The following PPP1CB variants were observed in gnomAD, a reference collection of about 807,000 sequenced individuals.
PPP1CB encodes the protein protein phosphatase 1 catalytic subunit beta, also known as serine/threonine-protein phosphatase PP1-beta catalytic subunit.
In PPP1CB, 2 loss-of-function variants were observed where a neutral mutation model predicts 43.7. That is an observed-to-expected ratio of 0.05 (90% CI 0.02 to 0.14). The LOEUF (loss-of-function observed/expected upper bound fraction) is 0.14. Ranked by LOEUF, PPP1CB falls within the 10% of genes least tolerant of loss-of-function variation. PPP1CB has a pLI of 1.00. For synonymous variants in PPP1CB, 136 were observed against 135.6 expected (o/e 1.00, Z -0.02); for missense variants, 84 against 398.0 (o/e 0.21, Z 6.71).
At chr2:28,765,934 A>T (rs895422157) in intron 1 of PPP1CB, among the ~76,000 whole-genome samples, 3 of 152,132 alleles carry the variant, frequency 2.0e-5, no homozygotes, top group Non-Finnish European at 4.4e-5. Context: ...AAATAAAGCA[A>T]CTTGCTTTAA....
intron 1 of PPP1CB, among the ~76,000 whole-genome samples, chr2:28,775,489 C>T (rs1667018151): frequency 6.6e-6 from 1 of 152,058 alleles, no homozygotes; most frequent in Admixed American, 6.6e-5. Context: ...CTCACTGCAG[C>T]CTCAACCTCT....
rs1038798706 is a variant in PPP1CB at position 28,799,915 on chromosome 2, C to T, written c.*612C>T. 2.0e-5 allele frequency: 3 copies of T among 152,382 alleles called. No individual in the cohort carries two copies. Among genetic ancestry groups the T allele is most frequent in the African/African-American group, 7.2e-5 (3 of 41,398 alleles). The allele number at this position is 152,382 out of a possible 1,614,324, so 9.4% of individuals were successfully genotyped here. A position where few individuals can be genotyped will look rare whatever the true frequency, so the allele number is the denominator to read the frequency against. On this transcript the variant is annotated 3_prime_UTR_variant, in exon 8 of 8. Coordinates refer to ENST00000395366, the MANE Select transcript of PPP1CB (RefSeq NM_002709.3). Reference sequence around the variant, plus strand: ...TGATTGTTTTAAAAAAAAATACGCACATTGTCCAATCCAGTGATTTTAATC... The same window carrying T: ...TGATTGTTTTAAAAAAAAATACGCATATTGTCCAATCCAGTGATTTTAATC...
At chr2:28,772,007 T>C (rs1013645941) in intron 1 of PPP1CB, among the ~76,000 whole-genome samples, 7 of 151,092 alleles carry the variant, frequency 4.6e-5, no homozygotes, top group Non-Finnish European at 1.0e-4. Flanking sequence ...CTAAAGGGTC[T>C]ATTAGGCACA....
At chr2:28,773,387 C>A (rs1666955648) in intron 1 of PPP1CB, among the ~76,000 whole-genome samples, 1 of 152,138 alleles carries the variant, frequency 6.6e-6, no homozygotes, top group South Asian at 2.1e-4. Flanking sequence ...CTGCTTCTCA[C>A]TCCTATCAGT....
chr2:28,757,863 A>G (rs1003612120), intron 1 of PPP1CB, among the ~76,000 whole-genome samples: 2 of 152,006 alleles, frequency 1.3e-5, no homozygotes, highest in African/African-American at 2.4e-5. Flanking sequence ...TAAATCCAAG[A>G]TGAAGATTCG....
chr2:28,752,012 G>C lies in PPP1CB; in HGVS notation c.-113G>C. ...CCGGGAAAAGGGGGAGTTGGAGCCG[G>C]GGTCGAAACGCCGCGTGACTTGTAG... On this transcript the variant is annotated 5_prime_UTR_variant, in exon 1 of 8. Transcript: ENST00000395366. The C allele has an allele frequency of 2.0e-6, 2 of 1,016,728 alleles. No individual in the cohort carries two copies. The highest frequency in any genetic ancestry group is 3.0e-6 in the Non-Finnish European group (2 of 661,594). 63.0% of individuals were successfully genotyped at this position (1,016,728 alleles called of 1,614,324 possible).
At chr2:28,774,837 A>T (rs987525302) in intron 1 of PPP1CB, among the ~76,000 whole-genome samples, 16 of 152,216 alleles carry the variant, frequency 1.1e-4, no homozygotes, top group Admixed American at 3.3e-4. Flanking sequence ...TTGATGTTTG[A>T]GAACAAGCAC....
intron 2 of PPP1CB, 96 bp downstream of exon 2, chr2:28,777,078 T>A: frequency 7.5e-7 from 1 of 1,334,370 alleles, no homozygotes; most frequent in Non-Finnish European, 1.0e-6. Flanking sequence ...AATTTTTGTA[T>A]AAAACAGATC....
chr2:28,784,779 G>A (rs568521492), intron 5 of PPP1CB, among the ~76,000 whole-genome samples: 4 of 151,614 alleles, frequency 2.6e-5, no homozygotes, highest in Admixed American at 2.0e-4. Context: ...AATTAGCTGG[G>A]CATGGTGGTG....
intron 2 of PPP1CB, among the ~76,000 whole-genome samples, chr2:28,777,609 C>T (rs753966630): frequency 2.0e-4 from 31 of 152,132 alleles, no homozygotes; most frequent in Non-Finnish European, 2.1e-4. Flanking sequence ...CAGTGCCCAG[C>T]AAATAAGAGA....
intron 1 of PPP1CB, among the ~76,000 whole-genome samples, chr2:28,755,193 C>A (rs1170874846): frequency 1.3e-5 from 2 of 152,024 alleles, no homozygotes; most frequent in Non-Finnish European, 2.9e-5. Flanking sequence ...GGGACTACAG[C>A]ATGCCACCAC....
chr2:28,777,751 C>G (rs1667072146), intron 2 of PPP1CB, among the ~76,000 whole-genome samples: 1 of 152,206 alleles, frequency 6.6e-6, no homozygotes, highest in Non-Finnish European at 1.5e-5. Context: ...CTCCCGGGCT[C>G]AAGTGGTTCT....
chr2:28,774,274 G>T (rs6547875), intron 1 of PPP1CB, among the ~76,000 whole-genome samples: 79,072 of 151,940 alleles, frequency 0.52, 21,608 homozygotes, highest in South Asian at 0.61. Context: ...TTTTGATAAT[G>T]TACTGTTCTT....
chr2:28,798,377 G>A (rs1013511303), intron 7 of PPP1CB, among the ~76,000 whole-genome samples: 1 of 152,020 alleles, frequency 6.6e-6, no homozygotes. Context: ...ATGAAAACAT[G>A]TTCACACAAA....
chr2:28,782,577 G>A (rs1667177325), intron 4 of PPP1CB: 1 of 152,302 alleles, frequency 6.6e-6, no homozygotes, highest in South Asian at 2.1e-4. Flanking sequence ...ATAGGCTTTG[G>A]AGAAGTTAAA....
At chr2:28,757,758 A>G (rs1446851247) in intron 1 of PPP1CB, among the ~76,000 whole-genome samples, 4 of 152,216 alleles carry the variant, frequency 2.6e-5, no homozygotes, top group Non-Finnish European at 5.9e-5. Flanking sequence ...AATTAAGTTC[A>G]GCAAGTAAGG....
chr2:28,759,541 A>G (rs1193172736), intron 1 of PPP1CB, among the ~76,000 whole-genome samples: 1 of 150,430 alleles, frequency 6.6e-6, no homozygotes, highest in African/African-American at 2.4e-5. Flanking sequence ...AAAAAAAAAA[A>G]AAAAAGTATA....
At chr2:28,782,805 A>C (rs1186126405) in intron 4 of PPP1CB, 1 of 152,252 alleles carries the variant, frequency 6.6e-6, no homozygotes, top group Non-Finnish European at 1.5e-5. Flanking sequence ...TCATCAATAT[A>C]CGGGAAGAAT....
rs7558662 is a variant in PPP1CB at position 28,787,320 on chromosome 2, G to A, written c.593-1338G>A. Among the ~76,000 whole-genome samples, 465 of 152,186 alleles carry A rather than the reference G, an allele frequency of 3.1e-3. 4 individuals are homozygous for A. The highest frequency in any genetic ancestry group is 0.01 in the African/African-American group (434 of 41,538). ...TAAAAATACAAAAAATTAGCCGGGC[G>A]TGGTAGCGGGCACCTGTAGTCCCAG... On this transcript the variant is annotated intron_variant, in intron 5 of 7. Transcript: ENST00000395366.
Sources: gnomAD v4.1 joint callset for allele counts (sites outside exome capture counted in the v4.1 genomes callset) on GRCh38, gnomAD v4.1.1 for gene constraint, MANE v1.5 for transcripts, NCBI Gene and HGNC (gene_info 2026-07-23, HGNC 2026-07-21) for gene names.